ERMP1: variants seen among roughly 807,000 people sequenced by gnomAD.
The protein encoded by ERMP1 is endoplasmic reticulum metallopeptidase 1, also known as Felix-ina.
A neutral mutation model predicts 92.0 loss-of-function variants in ERMP1; 86 were observed. The observed-to-expected ratio is 0.93, with a 90% CI of 0.79 to 1.12. The LOEUF is 1.12. Ranked by LOEUF, ERMP1 falls within the 50% of genes most tolerant of loss-of-function variation. The pLI is 0.00. For synonymous variants in ERMP1, 530 were observed against 412.8 expected (o/e 1.28, Z -3.44); for missense variants, 1,342 against 1,116.3 (o/e 1.20, Z -2.88).
At chr9:5,850,225 G>A (rs1417916182) in intron 6 of ERMP1, among the ~76,000 whole-genome samples, 1 of 151,874 alleles carries the variant, frequency 6.6e-6, no homozygotes, top group Non-Finnish European at 1.5e-5. Context: ...GGCCAACATG[G>A]TGAAACCCAT....
At chr9:5,837,016 C>T (rs992915889), upstream of ERMP1, among the ~76,000 whole-genome samples, 1 of 152,188 alleles carries the variant, frequency 6.6e-6, no homozygotes, top group Non-Finnish European at 1.5e-5. Flanking sequence ...ACAAGCCTGG[C>T]TGCATTGCTA....
chr9:5,831,984 C>T (rs528742933), intron 1 of ERMP1, among the ~76,000 whole-genome samples: 3 of 152,150 alleles, frequency 2.0e-5, no homozygotes, highest in African/African-American at 7.2e-5. Context: ...AACACAGTAG[C>T]TGTTGAAAAC....
intron 8 of ERMP1, among the ~76,000 whole-genome samples, chr9:5,808,744 GT>G (rs1444920501): frequency 6.6e-6 from 1 of 152,006 alleles, no homozygotes; most frequent in Non-Finnish European, 1.5e-5. Context: ...ATTTTTGTTT[GT>G]TTGTTTGTTT....
chr9:5,838,133 A>T (rs1014922706), intron 6 of ERMP1, among the ~76,000 whole-genome samples: 2 of 152,184 alleles, frequency 1.3e-5, no homozygotes, highest in Non-Finnish European at 2.9e-5. Context: ...TTAAAATTAT[A>T]ATATGCACAT....
intron 2 of ERMP1, 145 bp from the exon 3 acceptor site, chr9:5,825,364 C>CA (rs1829693282): frequency 1.3e-6 from 1 of 753,730 alleles, no homozygotes; most frequent in Admixed American, 3.1e-5. Context: ...CATCAGGTGA[C>CA]AATCACACCC....
At chr9:5,811,477 C>T (rs928810538) in intron 6 of ERMP1, among the ~76,000 whole-genome samples, 154 bp from the exon 7 acceptor site, 3 of 152,166 alleles carry the variant, frequency 2.0e-5, no homozygotes, top group African/African-American at 7.2e-5. Flanking sequence ...GAACAGAAAT[C>T]GCTTTCTACC....
In ERMP1 at chr9:5,786,055, C is replaced by T. The variant is rs534870532; in HGVS notation, c.*1089G>A. ...CACCTACACGTACAGTGGTCTCATT[C>T]CAGTATAAGCCACAACCTCAAGTCT... On this transcript the variant is annotated 3_prime_UTR_variant, in exon 15 of 15. Coordinates refer to ENST00000339450, the MANE Select transcript of ERMP1 (RefSeq NM_024896.3). The T allele has an allele frequency of 1.3e-5, 2 of 152,192 alleles. No individual in the cohort carries two copies. Among genetic ancestry groups the T allele is most frequent in the Non-Finnish European group, 2.9e-5 (2 of 68,052 alleles). The allele number at this position is 152,192 out of a possible 1,614,324, so 9.4% of individuals were successfully genotyped here. A position where few individuals can be genotyped will look rare whatever the true frequency, so the allele number is the denominator to read the frequency against.
At chr9:5,821,651 T>C (rs1462123272) in intron 4 of ERMP1, among the ~76,000 whole-genome samples, 3 of 152,158 alleles carry the variant, frequency 2.0e-5, no homozygotes, top group Non-Finnish European at 4.4e-5. Flanking sequence ...CATTAATATA[T>C]ATGTACATAG....
intron 4 of ERMP1, among the ~76,000 whole-genome samples, chr9:5,815,942 C>G (rs1201808692): frequency 1.3e-5 from 2 of 151,888 alleles, no homozygotes; most frequent in East Asian, 3.9e-4. Context: ...TAAAATATTA[C>G]TATTTGATAT....
chr9:5,810,665 ACTG>A (rs1287325311), intron 7 of ERMP1, among the ~76,000 whole-genome samples: 1 of 152,156 alleles, frequency 6.6e-6, no homozygotes. Context: ...AATTATTTAA[ACTG>A]CTGCTAAATA....
At chr9:5,800,382 G>A (rs1828622234) in intron 11 of ERMP1, among the ~76,000 whole-genome samples, 1 of 152,052 alleles carries the variant, frequency 6.6e-6, no homozygotes, top group African/African-American at 2.4e-5. Context: ...TCTAAAATAA[G>A]TCCTCAAACT....
intron 10 of ERMP1, among the ~76,000 whole-genome samples, chr9:5,803,340 G>A (rs867137725): frequency 2.6e-5 from 4 of 152,240 alleles, no homozygotes; most frequent in African/African-American, 4.8e-5. Flanking sequence ...TATTCCAAGA[G>A]GCAGTCTTCT....
chr9:5,793,303 TAAGA>T (rs1035635022), intron 13 of ERMP1, among the ~76,000 whole-genome samples: 1 of 149,888 alleles, frequency 6.7e-6, no homozygotes, highest in African/African-American at 2.4e-5. Context: ...ACTGACATGC[TAAGA>T]AAGGAGAGAA....
chr9:5,818,753 T>C (rs546106642), intron 4 of ERMP1, among the ~76,000 whole-genome samples: 1 of 152,104 alleles, frequency 6.6e-6, no homozygotes, highest in East Asian at 1.9e-4. Flanking sequence ...CAAGATGACT[T>C]AGATTTATGT....
chr9:5,863,935 T>C (rs1170951793), intron 5 of ERMP1, among the ~76,000 whole-genome samples: 3 of 152,208 alleles, frequency 2.0e-5, no homozygotes, highest in Admixed American at 2.0e-4. Flanking sequence ...AGATCTACTG[T>C]ACTTTATTTG....
chr9:5,863,580 C>G (rs1373009661), intron 5 of ERMP1, among the ~76,000 whole-genome samples: 2 of 152,158 alleles, frequency 1.3e-5, no homozygotes, highest in African/African-American at 4.8e-5. Context: ...GTCCTCCTTC[C>G]CTGTCTGGGT....
chr9:5,825,281 A>T (rs2129653316), intron 2 of ERMP1, 62 bp from the exon 3 acceptor site: 1 of 1,508,600 alleles, frequency 6.6e-7, no homozygotes, highest in East Asian at 2.3e-5. Context: ...ATGACCCATT[A>T]GGACTAGGAA....
At chr9:5,855,248 A>C (rs1830358849) in intron 6 of ERMP1, among the ~76,000 whole-genome samples, 1 of 152,242 alleles carries the variant, frequency 6.6e-6, no homozygotes, top group African/African-American at 2.4e-5. Context: ...TCTATGGAGT[A>C]TGGATGAAGC....
chr9:5,830,315 A>G (rs762381738), intron 2 of ERMP1, among the ~76,000 whole-genome samples: 1 of 152,168 alleles, frequency 6.6e-6, no homozygotes, highest in African/African-American at 2.4e-5. Flanking sequence ...AAAACCATGC[A>G]GTAACCCTTG....
Sources: gnomAD v4.1 joint callset for allele counts (sites outside exome capture counted in the v4.1 genomes callset) on GRCh38, gnomAD v4.1.1 for gene constraint, MANE v1.5 for transcripts, NCBI Gene and HGNC (gene_info 2026-07-23, HGNC 2026-07-21) for gene names.